RALGAPA2: variants seen among roughly 807,000 people sequenced by gnomAD.
RALGAPA2 encodes ral GTPase-activating protein subunit alpha-2.
Under a neutral mutation model 230.4 loss-of-function variants are expected in RALGAPA2, and 139 were observed. That is an observed-to-expected ratio of 0.60 (90% confidence interval 0.53 to 0.69). RALGAPA2 has a LOEUF of 0.69. Among genes scored for constraint, RALGAPA2 ranks in the 30% least tolerant of loss-of-function variants. RALGAPA2 has a pLI of 0.00. For missense variants in RALGAPA2, 2,163 were observed against 2,276.0 expected, an observed-to-expected ratio of 0.95 and a Z score of 1.01; for synonymous variants, 847 against 837.8, an observed-to-expected ratio of 1.01 and a Z score of -0.19.
At position 20,559,498 on chromosome 20, in the gene RALGAPA2, TGA is replaced by T. The variant is rs758574409; in HGVS notation, c.3156+11958_3156+11959del. Among the ~76,000 whole-genome samples, 114 of 152,254 alleles carry T rather than the reference TGA, an allele frequency of 7.5e-4. 1 individual carries two copies. The highest frequency in any genetic ancestry group is 1.5e-3 in the Non-Finnish European group (102 of 68,022). On this transcript the variant is annotated intron_variant, in intron 23 of 39. Transcript: ENST00000202677. Reference sequence around the variant, plus strand: ...CACTACACCTGTCCTGCCCATCGTATGATGAAAAGCCCACCACATACAAATCT... The same window carrying T: ...CACTACACCTGTCCTGCCCATCGTATTGAAAAGCCCACCACATACAAATCT...
At chr20:20,627,607 A>G (rs1230827189) in intron 10 of RALGAPA2, among the ~76,000 whole-genome samples, 1 of 152,170 alleles carries the variant, frequency 6.6e-6, no homozygotes, top group Non-Finnish European at 1.5e-5. Context: ...CTTCCCTGAG[A>G]CAGACATCTC....
At chr20:20,625,964 C>A (rs904689833) in intron 10 of RALGAPA2, among the ~76,000 whole-genome samples, 1 of 152,190 alleles carries the variant, frequency 6.6e-6, no homozygotes, top group Non-Finnish European at 1.5e-5. Flanking sequence ...GTGACCCACA[C>A]CAGGTGGTTC....
chr20:20,444,176 T>G, intron 37 of RALGAPA2, among the ~76,000 whole-genome samples: 1 of 152,136 alleles, frequency 6.6e-6, no homozygotes, highest in Non-Finnish European at 1.5e-5. Context: ...TCCTCCCCTC[T>G]GTACAGGGCC....
intron 34 of RALGAPA2, 116 bp from the exon 35 acceptor site, chr20:20,503,622 C>T: frequency 1.2e-6 from 1 of 840,412 alleles, no homozygotes; most frequent in Non-Finnish European, 1.6e-6. Context: ...ATCTTTCTTT[C>T]TGATTACAAA....
intron 37 of RALGAPA2, among the ~76,000 whole-genome samples, chr20:20,416,935 T>C (rs2060177585): frequency 1.3e-5 from 2 of 152,216 alleles, no homozygotes; most frequent in Non-Finnish European, 2.9e-5. Flanking sequence ...TCAGTGTGTG[T>C]GTGCTGTAAC....
Position 20,472,892 on chromosome 20 carries a change from A to G in RALGAPA2, c.5432T>C (p.Val1811Ala). The change falls in exon 37 of 40, where the codon GTA (valine) becomes GCA (alanine). Residue 1811 changes from valine (V) to alanine (A), a missense_variant. By Grantham distance (64) the Val-to-Ala change is moderately conservative (BLOSUM62 0). Transcript: ENST00000202677. ...GCTGGCGTTGATGCACGTGGCACAT[A>G]CAAGGCTTGGCAGCAGCTTCCCACT... ...IVSGKLLPSL[V>A]CATCINASRA... 6.2e-7 allele frequency: 1 copy of G among 1,613,702 alleles called. No homozygotes were observed. Among genetic ancestry groups the G allele is most frequent in the South Asian group, 1.1e-5 (1 of 91,072 alleles).
At chr20:20,653,999 T>C (rs2067497884) in intron 3 of RALGAPA2, among the ~76,000 whole-genome samples, 1 of 152,134 alleles carries the variant, frequency 6.6e-6, no homozygotes, top group Non-Finnish European at 1.5e-5. Context: ...AGAACAGGAT[T>C]GGGAAGAAAA....
intron 16 of RALGAPA2, chr20:20,598,926 T>C (rs2065548224): frequency 2.8e-6 from 1 of 352,400 alleles, no homozygotes; most frequent in Admixed American, 3.9e-5. Context: ...GGAGGTCATT[T>C]AAACTTTTAA....
intron 23 of RALGAPA2, among the ~76,000 whole-genome samples, chr20:20,555,099 T>C (rs1222286450): frequency 6.6e-6 from 1 of 152,204 alleles, no homozygotes; most frequent in Non-Finnish European, 1.5e-5. Flanking sequence ...AATTTGTGTA[T>C]ATGGTGTGAG....
chr20:20,538,194 T>C lies in RALGAPA2; in HGVS notation c.3286-1410A>G, dbSNP rs76155905. The stretch of plus-strand genomic sequence containing the variant: ...CCAGTCCTTCATTTTTTTACCTAGC[T>C]TGGTTCCCATAAGTACACAGGTAAA... On this transcript the variant is annotated intron_variant, in intron 24 of 39. Transcript: ENST00000202677. 3.1e-4 allele frequency among the ~76,000 whole-genome samples: 47 copies of C among 152,330 alleles called. No homozygotes were observed. In the East Asian group the frequency reaches 8.9e-3, roughly 29 times the overall value.
intron 33 of RALGAPA2, among the ~76,000 whole-genome samples, chr20:20,506,862 G>A (rs905621264): frequency 6.6e-6 from 1 of 152,118 alleles, no homozygotes; most frequent in African/African-American, 2.4e-5. Context: ...AATAACTGGA[G>A]GAAGAGAGTT....
chr20:20,680,277 C>T (rs2068472855), intron 2 of RALGAPA2, among the ~76,000 whole-genome samples: 1 of 152,204 alleles, frequency 6.6e-6, no homozygotes. Context: ...AAACATAATA[C>T]ATTAATAATA....
chr20:20,499,225 C>G lies in RALGAPA2; in HGVS notation c.5209-3950G>C, dbSNP rs1236058451. On this transcript the variant is annotated intron_variant, in intron 35 of 39. Transcript: ENST00000202677. ...ACCTTACAGCTGCAAAAGGTATCAG[C>G]TGAATTTTGATTATTACAGTAGGGA... Among the ~76,000 whole-genome samples, 3 of 152,076 alleles carry G rather than the reference C, an allele frequency of 2.0e-5. No individual in the cohort carries two copies. In the South Asian group the frequency reaches 6.2e-4, roughly 31 times the overall value.
At chr20:20,664,055 G>A (rs1001596624) in intron 3 of RALGAPA2, among the ~76,000 whole-genome samples, 7 of 152,172 alleles carry the variant, frequency 4.6e-5, no homozygotes, top group Non-Finnish European at 8.8e-5. Context: ...AGGCAGAATG[G>A]AGCAGGATGG....
In RALGAPA2 at chr20:20,667,226, T is replaced by C. The variant is rs538830846; in HGVS notation, c.270+9010A>G. Among the ~76,000 whole-genome samples the C allele has an allele frequency of 5.9e-5, 9 of 152,300 alleles. No homozygotes were observed. The South Asian group carries it at 1.9e-3, about 32-fold the overall frequency. On this transcript the variant is annotated intron_variant, in intron 3 of 39. Coordinates refer to ENST00000202677, the MANE Select transcript of RALGAPA2 (RefSeq NM_020343.4). ...ATATTACTATTATCAGGAAAATCAT[T>C]AAAAATTCTTTTCCCCTACTCTAAG...
intron 17 of RALGAPA2, 132 bp from the exon 18 acceptor site, chr20:20,589,497 G>T: frequency 1.0e-6 from 1 of 1,002,870 alleles, no homozygotes; most frequent in Non-Finnish European, 1.4e-6. Flanking sequence ...GGAGTTATGG[G>T]CCTGGCAAAA....
intron 31 of RALGAPA2, among the ~76,000 whole-genome samples, chr20:20,520,298 C>A (rs2145436548): frequency 6.6e-6 from 1 of 152,184 alleles, no homozygotes; most frequent in East Asian, 1.9e-4. Context: ...AGACAGTATA[C>A]CCACATTCTA....
chr20:20,628,355 C>T (rs762218290), intron 10 of RALGAPA2, among the ~76,000 whole-genome samples: 2 of 152,186 alleles, frequency 1.3e-5, no homozygotes, highest in African/African-American at 2.4e-5. Flanking sequence ...CATTCAAGGG[C>T]TTAACCTACT....
chr20:20,566,728 A>G (rs146742436), intron 23 of RALGAPA2, among the ~76,000 whole-genome samples: 14 of 152,346 alleles, frequency 9.2e-5, no homozygotes, highest in African/African-American at 3.1e-4. Context: ...GCCAGAGCAC[A>G]GCAAACCCAA....
Sources: gnomAD v4.1 joint callset for allele counts (sites outside exome capture counted in the v4.1 genomes callset) on GRCh38, gnomAD v4.1.1 for gene constraint, MANE v1.5 for transcripts, NCBI Gene and HGNC (gene_info 2026-07-23, HGNC 2026-07-21) for gene names.